DENND5B: variants seen among roughly 807,000 people sequenced by gnomAD.
DENND5B encodes DENN domain-containing protein 5B.
In DENND5B, 34 loss-of-function variants were observed where a neutral mutation model predicts 140.6. The ratio of observed to expected loss-of-function variants is 0.24; its 90% confidence interval spans 0.18 to 0.32. DENND5B has a LOEUF of 0.32. DENND5B is among the 10% of genes least tolerant of loss of function. The pLI is 1.00. For missense variants in DENND5B, 1,142 were observed against 1,560.2 expected (o/e 0.73, Z 4.52); for synonymous variants, 551 against 562.1 (o/e 0.98, Z 0.28).
chr12:31,555,493 C>CG (rs1949246760), intron 1 of DENND5B, among the ~76,000 whole-genome samples: 1 of 152,174 alleles, frequency 6.6e-6, no homozygotes, highest in South Asian at 2.1e-4. Flanking sequence ...TTAGGCTACT[C>CG]GGGGGTCAGG....
Position 31,391,418 on chromosome 12 carries a change from T to G in DENND5B, c.3466+849A>C, listed in dbSNP as rs116204832. Among the ~76,000 whole-genome samples, 1,458 of 152,316 alleles carry G rather than the reference T, an allele frequency of 9.6e-3. 26 individuals carry two copies. Among genetic ancestry groups the G allele is most frequent in the African/African-American group, 0.033 (1,381 of 41,570 alleles). On this transcript the variant is annotated intron_variant, in intron 19 of 20. Transcript: ENST00000389082. ...TTATTTCCTTTTATACTGCTCTATT[T>G]CTTTCCAGATCAATGGTCACATTTC...
intron 2 of DENND5B, among the ~76,000 whole-genome samples, chr12:31,484,561 T>C (rs1946212904): frequency 2.6e-5 from 4 of 152,140 alleles, no homozygotes. Context: ...CCTAGCACTT[T>C]GGAAGGCTGA....
chr12:31,447,041 G>A (rs1944307228), intron 6 of DENND5B, among the ~76,000 whole-genome samples: 1 of 152,172 alleles, frequency 6.6e-6, no homozygotes, highest in East Asian at 1.9e-4. Flanking sequence ...GGAGGCTGAG[G>A]AGGGCAGATC....
chr12:31,393,749 G>A (rs1941278248), intron 17 of DENND5B, among the ~76,000 whole-genome samples: 1 of 152,088 alleles, frequency 6.6e-6, no homozygotes, highest in Non-Finnish European at 1.5e-5. Context: ...GTGCAGTGGT[G>A]CAATGTCGGC....
At chr12:31,392,428 C>T in intron 18 of DENND5B, 35 bp from the exon 19 acceptor site, 2 of 1,607,686 alleles carry the variant, frequency 1.2e-6, no homozygotes, top group Non-Finnish European at 1.7e-6. Context: ...AAAGAAAAAT[C>T]TCCTGCATCT....
chr12:31,463,715 G>C (rs950061126), intron 3 of DENND5B, among the ~76,000 whole-genome samples: 1 of 151,926 alleles, frequency 6.6e-6, no homozygotes, highest in Non-Finnish European at 1.5e-5. Flanking sequence ...AGGCTGGAGC[G>C]CAATGGCTCA....
chr12:31,520,362 TA>T lies in DENND5B; in HGVS notation c.128-24444del, dbSNP rs767342816. 9.7e-4 allele frequency among the ~76,000 whole-genome samples: 147 copies of T among 152,180 alleles called. 1 individual carries two copies. Among genetic ancestry groups the T allele is most frequent in the Non-Finnish European group, 1.5e-3 (100 of 68,026 alleles). On this transcript the variant is annotated intron_variant, in intron 1 of 20. Transcript: ENST00000389082. ...CATTATTGCAGTTTCCAGGCACTTATAATGAATTAAAATGAAACAGCTGTTA... is the reference window on the plus strand; with the variant it reads ...CATTATTGCAGTTTCCAGGCACTTATATGAATTAAAATGAAACAGCTGTTA...
At chr12:31,525,539 C>G (rs1464639562) in intron 1 of DENND5B, among the ~76,000 whole-genome samples, 3 of 152,214 alleles carry the variant, frequency 2.0e-5, no homozygotes, top group Non-Finnish European at 4.4e-5. Context: ...GGAGTGAACA[C>G]AGGTATGGGG....
chr12:31,578,223 C>G (rs1950091425), intron 1 of DENND5B, among the ~76,000 whole-genome samples: 1 of 150,826 alleles, frequency 6.6e-6, no homozygotes, highest in African/African-American at 2.4e-5. Context: ...CCTTTTGGAT[C>G]ATTTTTTATT....
intron 1 of DENND5B, among the ~76,000 whole-genome samples, chr12:31,531,261 G>A (rs938275266): frequency 1.3e-5 from 2 of 151,842 alleles, no homozygotes; most frequent in Admixed American, 6.6e-5. Context: ...GTGCAATGGC[G>A]CAGTCTCGGC....
At chr12:31,389,692 T>A (rs1941026441) in intron 19 of DENND5B, among the ~76,000 whole-genome samples, 194 bp from the exon 20 acceptor site, 1 of 152,208 alleles carries the variant, frequency 6.6e-6, no homozygotes, top group South Asian at 2.1e-4. Flanking sequence ...TCCCAGGAAT[T>A]TATTTTCTAA....
At chr12:31,512,819 T>C (rs1015718464) in intron 1 of DENND5B, among the ~76,000 whole-genome samples, 53 of 152,124 alleles carry the variant, frequency 3.5e-4, no homozygotes, top group Admixed American at 2.9e-3. Flanking sequence ...ATAGGGAAAA[T>C]AGTAAAGTTT....
intron 11 of DENND5B, among the ~76,000 whole-genome samples, chr12:31,416,951 C>T (rs1288511969): frequency 2.2e-5 from 3 of 134,922 alleles, no homozygotes; most frequent in Non-Finnish European, 4.6e-5. Context: ...ATCAGCTGAG[C>T]ATGGTGGTGT....
At chr12:31,504,400 G>A (rs1320348452) in intron 1 of DENND5B, among the ~76,000 whole-genome samples, 1 of 152,188 alleles carries the variant, frequency 6.6e-6, no homozygotes, top group Non-Finnish European at 1.5e-5. Context: ...AGGAATATGA[G>A]ATCTGGCCTT....
intron 6 of DENND5B, among the ~76,000 whole-genome samples, 182 bp downstream of exon 6, chr12:31,447,356 A>T (rs2138051817): frequency 6.6e-6 from 1 of 152,278 alleles, no homozygotes; most frequent in East Asian, 1.9e-4. Flanking sequence ...CTAAGAGAAG[A>T]GGAACGTCAA....
chr12:31,501,101 G>A (rs1289148703), intron 1 of DENND5B, among the ~76,000 whole-genome samples: 1 of 152,170 alleles, frequency 6.6e-6, no homozygotes, highest in Non-Finnish European at 1.5e-5. Context: ...GTTTGGCTAT[G>A]TCCTCACCCA....
chr12:31,421,378 G>A (rs1269909780), intron 11 of DENND5B, among the ~76,000 whole-genome samples: 1 of 152,080 alleles, frequency 6.6e-6, no homozygotes, highest in Non-Finnish European at 1.5e-5. Flanking sequence ...TCCTAAATAT[G>A]ACAATGCAGA....
chr12:31,444,495 C>T (rs1260473377), intron 6 of DENND5B, among the ~76,000 whole-genome samples: 1 of 152,198 alleles, frequency 6.6e-6, no homozygotes, highest in Non-Finnish European at 1.5e-5. Context: ...CTGCCCTCCT[C>T]GGCCTCCCAA....
chr12:31,404,759 C>CTTT lies in DENND5B; in HGVS notation c.2804-2119_2804-2117dup, dbSNP rs71062425. 2.7e-5 allele frequency among the ~76,000 whole-genome samples: 2 copies of CTTT among 74,070 alleles called. 1 individual carries two copies. The highest frequency in any genetic ancestry group is 4.9e-5 in the Non-Finnish European group (2 of 41,048). The allele number at this position is 74,070 out of a possible 152,430, so 48.6% of individuals were successfully genotyped here. On this transcript the variant is annotated intron_variant, in intron 14 of 20. Transcript: ENST00000389082. The stretch of plus-strand genomic sequence containing the variant: ...ATAAGCCACCGCGTCCGACCTCTAG[C>CTTT]TTTTTTTTTTTTTTTTTGAGACAGA...
Sources: allele counts gnomAD v4.1 joint callset (sites outside exome capture counted in the v4.1 genomes callset), GRCh38; gene constraint gnomAD v4.1.1; transcripts MANE v1.5; gene names NCBI Gene and HGNC (gene_info 2026-07-23, HGNC 2026-07-21).